Variants in KLHL32 observed in about 807,000 individuals in gnomAD.
KLHL32 encodes the protein kelch-like protein 32.
In KLHL32, 35 loss-of-function variants were observed where a neutral mutation model predicts 64.8. The observed-to-expected ratio is 0.54, with a 90% CI of 0.41 to 0.72. The LOEUF is 0.72. Ranked by LOEUF, KLHL32 falls within the 30% of genes least tolerant of loss-of-function variation. The probability of loss-of-function intolerance (pLI) is 0.00; values close to 1 mark genes in which losing one functional copy is unlikely to be tolerated. For synonymous variants in KLHL32, 259 were observed against 281.0 expected (o/e 0.92, Z 0.78); for missense variants, 589 against 768.5 (o/e 0.77, Z 2.76).
chr6:97,088,784 A>T (rs892254349), intron 6 of KLHL32, among the ~76,000 whole-genome samples: 2 of 152,230 alleles, frequency 1.3e-5, no homozygotes, highest in African/African-American at 2.4e-5. Context: ...CATAAAAAAA[A>T]CTTAGAACAA....
At chr6:96,975,163 T>G (rs1219031236) in intron 2 of KLHL32, among the ~76,000 whole-genome samples, 7 of 152,194 alleles carry the variant, frequency 4.6e-5, no homozygotes, top group Non-Finnish European at 5.9e-5. Flanking sequence ...CCTAGGACTT[T>G]TGAAAGGACA....
chr6:96,898,465 T>C, the KLHL32 span, among the ~76,000 whole-genome samples: 1 of 152,202 alleles, frequency 6.6e-6, no homozygotes, highest in African/African-American at 2.4e-5. Context: ...CCTGATGCAT[T>C]TTCAAGCCAC....
chr6:96,987,999 C>T (rs1163910717), intron 3 of KLHL32, among the ~76,000 whole-genome samples: 1 of 152,136 alleles, frequency 6.6e-6, no homozygotes, highest in Non-Finnish European at 1.5e-5. Flanking sequence ...CCATAAAAAC[C>T]CTAGAAGAAA....
intron 4 of KLHL32, among the ~76,000 whole-genome samples, chr6:97,043,482 G>T (rs953189541): frequency 1.3e-5 from 2 of 152,120 alleles, no homozygotes. Context: ...CAACTAGGTT[G>T]CATTCATATC....
At chr6:97,125,053 T>A (rs748469064) in intron 7 of KLHL32, among the ~76,000 whole-genome samples, 1 of 152,230 alleles carries the variant, frequency 6.6e-6, no homozygotes, top group African/African-American at 2.4e-5. Context: ...AAGACTTTCT[T>A]TGAGGGCAGG....
intron 8 of KLHL32, among the ~76,000 whole-genome samples, chr6:97,129,403 C>T (rs1382388434): frequency 6.6e-6 from 1 of 152,108 alleles, no homozygotes; most frequent in Non-Finnish European, 1.5e-5. Context: ...TTTACCTGTC[C>T]ATTACTTTCT....
intron 1 of KLHL32, among the ~76,000 whole-genome samples, chr6:96,950,560 T>G (rs898916723): frequency 6.6e-6 from 1 of 152,124 alleles, no homozygotes; most frequent in Non-Finnish European, 1.5e-5. Context: ...CTCCTTTACA[T>G]GCATTCCTGG....
At chr6:97,034,895 TG>T (rs1227496614) in intron 3 of KLHL32, among the ~76,000 whole-genome samples, 1 of 152,046 alleles carries the variant, frequency 6.6e-6, no homozygotes, top group Non-Finnish European at 1.5e-5. Flanking sequence ...CATTGTTTTT[TG>T]GTTGAATCTT....
intron 1 of KLHL32, among the ~76,000 whole-genome samples, chr6:96,926,790 GT>G (rs536557068): frequency 1.3e-5 from 2 of 152,136 alleles, no homozygotes; most frequent in Admixed American, 6.5e-5. Context: ...AAACATGACA[GT>G]TTTTTAAGGA....
chr6:97,115,720 G>T (rs559038934), intron 7 of KLHL32, among the ~76,000 whole-genome samples: 1 of 152,318 alleles, frequency 6.6e-6, no homozygotes, highest in African/African-American at 2.4e-5. Context: ...CTATCAGGAA[G>T]AAAGCTGCAT....
intron 2 of KLHL32, among the ~76,000 whole-genome samples, chr6:96,968,354 A>G (rs1774707242): frequency 6.6e-6 from 1 of 152,036 alleles, no homozygotes; most frequent in South Asian, 2.1e-4. Context: ...GCAGCCCCCT[A>G]CAGCAAAAAA....
chr6:97,071,822 C>A (rs1049237048), intron 5 of KLHL32, among the ~76,000 whole-genome samples: 5 of 152,180 alleles, frequency 3.3e-5, no homozygotes, highest in Non-Finnish European at 7.3e-5. Flanking sequence ...GACTATTTTT[C>A]CTGGACTGCC....
intron 1 of KLHL32, among the ~76,000 whole-genome samples, chr6:96,929,260 A>G (rs1769546659): frequency 1.3e-5 from 2 of 152,214 alleles, no homozygotes; most frequent in Non-Finnish European, 2.9e-5. Flanking sequence ...CCTATCAAGT[A>G]CAATATAAGC....
At chr6:97,034,480 C>A (rs1784016579) in intron 3 of KLHL32, among the ~76,000 whole-genome samples, 1 of 151,934 alleles carries the variant, frequency 6.6e-6, no homozygotes, top group Non-Finnish European at 1.5e-5. Flanking sequence ...TTTAAGATTT[C>A]TTTGGCTATT....
At chr6:97,018,638 T>C (rs1781569091) in intron 3 of KLHL32, among the ~76,000 whole-genome samples, 1 of 150,932 alleles carries the variant, frequency 6.6e-6, no homozygotes, top group Non-Finnish European at 1.5e-5. Flanking sequence ...TATTTATTAA[T>C]AAAGAAATGT....
At chr6:97,112,443 T>C (rs1797265492) in intron 6 of KLHL32, among the ~76,000 whole-genome samples, 1 of 152,068 alleles carries the variant, frequency 6.6e-6, no homozygotes, top group Non-Finnish European at 1.5e-5. Flanking sequence ...GGTTTTTTCA[T>C]TGATGATTTT....
At chr6:97,057,712 G>T (rs1486842399) in intron 4 of KLHL32, among the ~76,000 whole-genome samples, 2 of 152,080 alleles carry the variant, frequency 1.3e-5, no homozygotes, top group African/African-American at 4.8e-5. Flanking sequence ...TTTCCTAATA[G>T]TGTATTTTGT....
intron 3 of KLHL32, among the ~76,000 whole-genome samples, chr6:97,006,330 G>T (rs997871220): frequency 4.6e-5 from 7 of 152,022 alleles, no homozygotes; most frequent in African/African-American, 1.7e-4. Flanking sequence ...AGAATAGAAA[G>T]CTCTGCTCTT....
intron 3 of KLHL32, among the ~76,000 whole-genome samples, chr6:96,980,998 G>A (rs1776237763): frequency 6.6e-6 from 1 of 151,200 alleles, no homozygotes; most frequent in Non-Finnish European, 1.5e-5. Flanking sequence ...GCAGAGCAAA[G>A]TGGTGGGGCG....
Sources: allele counts gnomAD v4.1 joint callset (sites outside exome capture counted in the v4.1 genomes callset), GRCh38; gene constraint gnomAD v4.1.1; transcripts MANE v1.5; gene names NCBI Gene and HGNC (gene_info 2026-07-23, HGNC 2026-07-21).